The following PRKCA variants were observed in gnomAD, a reference collection of about 807,000 sequenced individuals.
The protein encoded by PRKCA is protein kinase C alpha type.
A neutral mutation model predicts 87.0 loss-of-function variants in PRKCA; 27 were observed. The ratio of observed to expected loss-of-function variants is 0.31; its 90% CI spans 0.23 to 0.43. The LOEUF is 0.43. PRKCA is among the 20% of genes least tolerant of loss of function. The probability of loss-of-function intolerance (pLI) is 1.00; values close to 1 mark genes in which losing one functional copy is unlikely to be tolerated. For synonymous variants in PRKCA, 329 were observed against 311.1 expected, an observed-to-expected ratio of 1.06 and a Z score of -0.61; for missense variants, 518 against 852.3, an observed-to-expected ratio of 0.61 and a Z score of 4.88.
At chr17:66,483,510 G>T (rs1915870465) in intron 2 of PRKCA, among the ~76,000 whole-genome samples, 1 of 150,944 alleles carries the variant, frequency 6.6e-6, no homozygotes, top group Admixed American at 6.6e-5. Context: ...CGCCCAGGCT[G>T]TGGAGTGTGG....
intron 2 of PRKCA, among the ~76,000 whole-genome samples, chr17:66,333,357 A>G (rs1906466833): frequency 6.6e-6 from 1 of 152,250 alleles, no homozygotes; most frequent in South Asian, 2.1e-4. Flanking sequence ...CTCAATCTTT[A>G]ACTCATATTC....
At chr17:66,651,524 G>C (rs1033456697) in intron 5 of PRKCA, among the ~76,000 whole-genome samples, 1 of 152,196 alleles carries the variant, frequency 6.6e-6, no homozygotes, top group African/African-American at 2.4e-5. Flanking sequence ...GGTACCTTTT[G>C]CAGTGACAGG....
chr17:66,774,373 C>A lies in PRKCA; in HGVS notation c.1605+306C>A, dbSNP rs943150052. On this transcript the variant is annotated intron_variant, in intron 14 of 16. Coordinates refer to ENST00000413366, the MANE Select transcript of PRKCA (RefSeq NM_002737.3). ...CGGTGGCTCATGGCTATAATCCCAGCACTTTCAGAAGCCAAGGCAGGCGGA... is the reference window on the plus strand; with the variant it reads ...CGGTGGCTCATGGCTATAATCCCAGAACTTTCAGAAGCCAAGGCAGGCGGA... 2.8e-5 allele frequency: 33 copies of A among 1,159,452 alleles called. No homozygotes were observed. In the African/African-American group the frequency reaches 5.2e-4, roughly 18 times the overall value. 71.8% of individuals were successfully genotyped at this position (1,159,452 alleles called of 1,614,324 possible).
chr17:66,681,161 G>A (rs887099016), intron 5 of PRKCA, among the ~76,000 whole-genome samples: 7 of 152,102 alleles, frequency 4.6e-5, no homozygotes, highest in African/African-American at 7.2e-5. Flanking sequence ...CCCGGGAGGC[G>A]GAAGTTGCAG....
At chr17:66,702,102 CACAT>C (rs1973077581) in intron 8 of PRKCA, among the ~76,000 whole-genome samples, 1 of 151,932 alleles carries the variant, frequency 6.6e-6, no homozygotes, top group African/African-American at 2.4e-5. Context: ...AAATGTCTGT[CACAT>C]ACATATCTCA....
At chr17:66,308,396 CT>C (rs11393812) in intron 2 of PRKCA, among the ~76,000 whole-genome samples, 3 of 151,090 alleles carry the variant, frequency 2.0e-5, no homozygotes, top group Non-Finnish European at 3.0e-5. Flanking sequence ...TGAGCTTGAA[CT>C]TTTTTTTTCA....
At chr17:66,649,888 G>A (rs1162492083) in intron 5 of PRKCA, among the ~76,000 whole-genome samples, 1 of 152,194 alleles carries the variant, frequency 6.6e-6, no homozygotes, top group Non-Finnish European at 1.5e-5. Flanking sequence ...GAGAGGGAAG[G>A]ACCCTGTGGA....
At chr17:66,653,954 G>T (rs979345329) in intron 5 of PRKCA, among the ~76,000 whole-genome samples, 4 of 152,220 alleles carry the variant, frequency 2.6e-5, no homozygotes, top group African/African-American at 9.7e-5. Context: ...CTTTGTAGAA[G>T]TTTCATGAAT....
chr17:66,745,937 C>A (rs145972534), intron 13 of PRKCA, among the ~76,000 whole-genome samples: 1 of 152,118 alleles, frequency 6.6e-6, no homozygotes, highest in Admixed American at 6.5e-5. Context: ...CAGCACTCTG[C>A]GTGCTTACTG....
intron 3 of PRKCA, among the ~76,000 whole-genome samples, chr17:66,612,392 A>G (rs1970395467): frequency 6.6e-6 from 1 of 151,144 alleles, no homozygotes; most frequent in African/African-American, 2.4e-5. Context: ...AAAAAAAAAA[A>G]AAAAAAAAAG....
rs558784599 is a variant in PRKCA, at chr17:66,334,613, G to A, written c.205+28486G>A. Among the ~76,000 whole-genome samples the A allele has an allele frequency of 2.0e-5, 3 of 152,332 alleles. No homozygotes were observed. In the South Asian group the frequency reaches 6.2e-4, roughly 32 times the overall value. ...ATGGCCGTTAAGAGAATAGAAACAAGTGTTGAGAATGAGGATACATTAGAA... is the reference window on the plus strand; with the variant it reads ...ATGGCCGTTAAGAGAATAGAAACAAATGTTGAGAATGAGGATACATTAGAA... On this transcript the variant is annotated intron_variant, in intron 2 of 16. Transcript: ENST00000413366.
chr17:66,484,204 A>G (rs946976171), intron 2 of PRKCA, among the ~76,000 whole-genome samples: 1 of 152,166 alleles, frequency 6.6e-6, no homozygotes, highest in Admixed American at 6.5e-5. Context: ...CCCATGATTC[A>G]GTTGTCTCCC....
At chr17:66,342,728 A>C (rs190159539) in intron 2 of PRKCA, among the ~76,000 whole-genome samples, 1 of 152,280 alleles carries the variant, frequency 6.6e-6, no homozygotes, top group Admixed American at 6.5e-5. Flanking sequence ...ATTCTGTCTA[A>C]AACAAAAGCA....
Position 66,689,092 on chromosome 17 carries a change from C to G in PRKCA, c.918+45C>G. On this transcript the variant is annotated intron_variant, in intron 8 of 16. Transcript: ENST00000413366. The surrounding 1 kb of genome is among the most constrained non-coding windows in gnomAD (Gnocchi z 4.1). ...CGGAAACACCTTTCCTTTAGAAAGC[C>G]CAACTTCAGGAACGGCCGAGATGTT... 7.7e-7 allele frequency: 1 copy of G among 1,303,848 alleles called. No individual in the cohort carries two copies. Among genetic ancestry groups the G allele is most frequent in the Non-Finnish European group, 1.1e-6 (1 of 933,436 alleles). 80.8% of individuals were successfully genotyped at this position (1,303,848 alleles called of 1,614,324 possible).
intron 3 of PRKCA, among the ~76,000 whole-genome samples, chr17:66,515,541 T>A (rs1966939434): frequency 6.6e-6 from 1 of 151,816 alleles, no homozygotes; most frequent in Non-Finnish European, 1.5e-5. Context: ...CTTGTGTGAG[T>A]TTTTCTTTTT....
intron 2 of PRKCA, among the ~76,000 whole-genome samples, chr17:66,369,181 C>A (rs1908945332): frequency 6.6e-6 from 1 of 152,166 alleles, no homozygotes; most frequent in African/African-American, 2.4e-5. Flanking sequence ...CCAGGTAAAA[C>A]CTGTAAAGTC....
At chr17:66,559,479 C>CA (rs34998780) in intron 3 of PRKCA, among the ~76,000 whole-genome samples, 16,491 of 36,676 alleles carry the variant, frequency 0.45, 5,940 homozygotes, top group South Asian at 0.52. Flanking sequence ...TCTGTCTCAC[C>CA]AAAAAAAAAA....
chr17:66,714,060 C>G (rs1318129220), intron 8 of PRKCA, among the ~76,000 whole-genome samples: 2 of 152,106 alleles, frequency 1.3e-5, no homozygotes, highest in Non-Finnish European at 1.5e-5. Flanking sequence ...CTCTCCTGGC[C>G]CATTGACAAA....
rs144532148 is a variant in PRKCA, at chr17:66,734,480, G to A, written c.1057-1009G>A. On this transcript the variant is annotated intron_variant, in intron 9 of 16. Coordinates refer to ENST00000413366, the MANE Select transcript of PRKCA (RefSeq NM_002737.3). ...ATTTGTAAACTGTTGGGGTGCTGGTGGGAGTGTCTTTTCACATGCTAATAA... is the reference window on the plus strand; with the variant it reads ...ATTTGTAAACTGTTGGGGTGCTGGTAGGAGTGTCTTTTCACATGCTAATAA... Among the ~76,000 whole-genome samples the A allele has an allele frequency of 2.4e-3, 369 of 152,312 alleles. 1 individual carries two copies. The highest frequency in any genetic ancestry group is 8.5e-3 in the African/African-American group (353 of 41,562).
Sources: allele counts gnomAD v4.1 joint callset (sites outside exome capture counted in the v4.1 genomes callset), GRCh38; gene constraint gnomAD v4.1.1; non-coding constraint Gnocchi (gnomAD v3.1); transcripts MANE v1.5; gene names NCBI Gene and HGNC (gene_info 2026-07-23, HGNC 2026-07-21).